The following RAP1A variants were observed in gnomAD, a reference collection of about 807,000 sequenced individuals.
The protein encoded by RAP1A is ras-related protein Rap-1A.
A neutral mutation model predicts 26.4 loss-of-function variants in RAP1A; 6 were observed. That is an observed-to-expected ratio of 0.23 (90% CI 0.12 to 0.45). The LOEUF (loss-of-function observed/expected upper bound fraction) is 0.45, where lower values mean the gene tolerates loss of function less well. RAP1A is among the 20% of genes least tolerant of loss of function. The pLI is 0.99. For missense variants in RAP1A, 121 were observed against 217.2 expected, an observed-to-expected ratio of 0.56 and a Z score of 2.78; for synonymous variants, 73 against 79.4, an observed-to-expected ratio of 0.92 and a Z score of 0.43.
intron 1 of RAP1A, among the ~76,000 whole-genome samples, chr1:111,547,578 T>TA (rs1174611727): frequency 6.6e-6 from 1 of 152,210 alleles, no homozygotes; most frequent in Non-Finnish European, 1.5e-5. Context: ...AGTTCATCCC[T>TA]AGAGAACTGA....
intron 1 of RAP1A, among the ~76,000 whole-genome samples, chr1:111,658,706 A>G (rs571020): frequency 0.12 from 18,327 of 152,218 alleles, 1,460 homozygotes; most frequent in East Asian, 0.21. Flanking sequence ...TGCGGATTAA[A>G]ACAATGTCCT....
At chr1:111,542,272 G>T (rs1335670719) in exon 1 of RAP1A, 4 of 598,318 alleles carry the variant, frequency 6.7e-6, no homozygotes, top group African/African-American at 5.6e-5. Flanking sequence ...CGTATTTCAG[G>T]ATCAGACCTG....
chr1:111,609,754 G>T (rs181712835), intron 1 of RAP1A, among the ~76,000 whole-genome samples: 1 of 152,254 alleles, frequency 6.6e-6, no homozygotes, highest in Admixed American at 6.5e-5. Flanking sequence ...TCCTGCCTCA[G>T]CCTCCTGAGT....
At chr1:111,620,384 C>G (rs983079082) in intron 1 of RAP1A, among the ~76,000 whole-genome samples, 2 of 152,120 alleles carry the variant, frequency 1.3e-5, no homozygotes, top group African/African-American at 4.8e-5. Flanking sequence ...TGCATGTCCC[C>G]TGTCTAGGGT....
chr1:111,580,037 C>A (rs1658223362), intron 1 of RAP1A, among the ~76,000 whole-genome samples: 1 of 152,120 alleles, frequency 6.6e-6, no homozygotes, highest in Non-Finnish European at 1.5e-5. Flanking sequence ...CTCAGGTGAT[C>A]CACCTGCCTT....
At chr1:111,542,794 T>A (rs1656886579) in intron 1 of RAP1A, among the ~76,000 whole-genome samples, 1 of 152,132 alleles carries the variant, frequency 6.6e-6, no homozygotes, top group Non-Finnish European at 1.5e-5. Context: ...CCTCCCGGGT[T>A]CAAGTGATTC....
At chr1:111,557,543 C>G (rs1657550396) in intron 1 of RAP1A, among the ~76,000 whole-genome samples, 2 of 150,356 alleles carry the variant, frequency 1.3e-5, no homozygotes, top group South Asian at 4.2e-4. Flanking sequence ...GAGTGAGACT[C>G]CATTAAAAAA....
At chr1:111,677,816 G>C (rs1013898557) in intron 1 of RAP1A, among the ~76,000 whole-genome samples, 1 of 152,210 alleles carries the variant, frequency 6.6e-6, no homozygotes, top group African/African-American at 2.4e-5. Flanking sequence ...TCTTGATTCA[G>C]CATGGGAGGG....
chr1:111,665,751 C>T (rs1363007351), intron 1 of RAP1A, among the ~76,000 whole-genome samples: 2 of 152,166 alleles, frequency 1.3e-5, no homozygotes, highest in African/African-American at 4.8e-5. Context: ...TTCCTAAAGG[C>T]ACAGAGTATA....
chr1:111,689,872 T>C (rs1325689678), intron 1 of RAP1A, among the ~76,000 whole-genome samples: 1 of 152,122 alleles, frequency 6.6e-6, no homozygotes, highest in African/African-American at 2.4e-5. Flanking sequence ...GAGATGGGGT[T>C]TCACCATGGT....
chr1:111,549,745 C>G (rs1657185752), intron 1 of RAP1A, among the ~76,000 whole-genome samples: 1 of 151,994 alleles, frequency 6.6e-6, no homozygotes, highest in Non-Finnish European at 1.5e-5. Flanking sequence ...AACTTCTGGA[C>G]TCAGGAGATC....
At chr1:111,597,747 C>CA (rs1254981894) in intron 1 of RAP1A, among the ~76,000 whole-genome samples, 1 of 152,008 alleles carries the variant, frequency 6.6e-6, no homozygotes, top group African/African-American at 2.4e-5. Flanking sequence ...TTGAAGTTGG[C>CA]GGTGGAGGGG....
chr1:111,612,043 T>C (rs1310365846), intron 1 of RAP1A, among the ~76,000 whole-genome samples: 2 of 151,942 alleles, frequency 1.3e-5, no homozygotes, highest in East Asian at 1.9e-4. Flanking sequence ...GAATAAATGA[T>C]GTTAATTCAC....
intron 1 of RAP1A, among the ~76,000 whole-genome samples, chr1:111,563,361 A>T (rs1657822510): frequency 6.6e-6 from 1 of 152,226 alleles, no homozygotes; most frequent in Admixed American, 6.5e-5. Flanking sequence ...ATCTGGGGAG[A>T]TAAGACATTC....
chr1:111,624,633 T>C (rs530801), intron 1 of RAP1A, among the ~76,000 whole-genome samples: 131,820 of 152,084 alleles, frequency 0.87, 57,360 homozygotes, highest in African/African-American at 0.92. Flanking sequence ...CTGTCATTTC[T>C]GCTTGAAAAT....
intron 1 of RAP1A, among the ~76,000 whole-genome samples, chr1:111,651,910 CTCCAAATATATGTATTTTTTAA>C (rs1660284379): frequency 1.3e-5 from 2 of 151,878 alleles, no homozygotes; most frequent in Non-Finnish European, 2.9e-5. Context: ...CCGTGCCCGG[CTCCAAATATATGTATTTTTTAA>C]TTGACTTTTT....
chr1:111,606,953 G>C (rs1239907464), intron 1 of RAP1A, among the ~76,000 whole-genome samples: 1 of 152,152 alleles, frequency 6.6e-6, no homozygotes, highest in East Asian at 1.9e-4. Flanking sequence ...TGATATTAGA[G>C]AACAGTGAGG....
At chr1:111,668,186 A>G (rs1023507957) in intron 1 of RAP1A, among the ~76,000 whole-genome samples, 1 of 152,212 alleles carries the variant, frequency 6.6e-6, no homozygotes, top group East Asian at 1.9e-4. Flanking sequence ...AAATTTGACT[A>G]TGGTTCAAAG....
At chr1:111,554,642 A>G (rs997600625) in intron 1 of RAP1A, among the ~76,000 whole-genome samples, 1 of 152,250 alleles carries the variant, frequency 6.6e-6, no homozygotes, top group African/African-American at 2.4e-5. Context: ...TCAAAGGAAT[A>G]TGGTGAAAAA....
Sources: gnomAD v4.1 joint callset for allele counts (sites outside exome capture counted in the v4.1 genomes callset) on GRCh38, gnomAD v4.1.1 for gene constraint, MANE v1.5 for transcripts, NCBI Gene and HGNC (gene_info 2026-07-23, HGNC 2026-07-21) for gene names.